The following DCC variants were observed in gnomAD, a reference collection of about 807,000 sequenced individuals.
DCC encodes DCC netrin 1 receptor, also known as netrin receptor DCC.
In DCC, 58 loss-of-function variants were observed where a neutral mutation model predicts 172.5. The observed-to-expected ratio is 0.34, with a 90% CI of 0.27 to 0.42. The LOEUF is 0.42. DCC is among the 10% of genes least tolerant of loss of function. DCC has a pLI of 1.00. For synonymous variants in DCC, 709 were observed against 644.5 expected (o/e 1.10, Z -1.52); for missense variants, 1,740 against 1,791.0 (o/e 0.97, Z 0.51).
At chr18:53,089,674 T>G (rs1302100278) in intron 7 of DCC, among the ~76,000 whole-genome samples, 1 of 152,152 alleles carries the variant, frequency 6.6e-6, no homozygotes, top group Non-Finnish European at 1.5e-5. Context: ...GTGCCTACTG[T>G]GCTGATTGGA....
rs191874581 is a variant in DCC at position 52,619,941 on chromosome 18, C to T, written c.92-132113C>T. Among the ~76,000 whole-genome samples the T allele has an allele frequency of 1.6e-4, 24 of 152,206 alleles. No homozygotes were observed. The East Asian group carries it at 1.7e-3, about 11-fold the overall frequency. On this transcript the variant is annotated intron_variant, in intron 1 of 28. Coordinates refer to ENST00000442544, the MANE Select transcript of DCC (RefSeq NM_005215.4). ...TAGGACTTGATTATTAAAATTACTA[C>T]GTACTGTGCTGGAAGGAAAGATTCT...
intron 12 of DCC, among the ~76,000 whole-genome samples, chr18:53,261,705 G>T (rs999718213): frequency 1.3e-5 from 2 of 152,110 alleles, no homozygotes; most frequent in Non-Finnish European, 2.9e-5. Flanking sequence ...TAGAGATGGG[G>T]TTTCACCATG....
intron 24 of DCC, among the ~76,000 whole-genome samples, chr18:53,466,828 G>C (rs1207652228): frequency 6.6e-6 from 1 of 152,272 alleles, no homozygotes; most frequent in East Asian, 1.9e-4. Flanking sequence ...GCCTGGCCAG[G>C]TTTGCGTAGT....
chr18:52,577,518 G>C (rs1385417925), intron 1 of DCC, among the ~76,000 whole-genome samples: 1 of 146,980 alleles, frequency 6.8e-6, no homozygotes, highest in African/African-American at 2.5e-5. Flanking sequence ...TTAAGTTGAT[G>C]GTTCCATAGT....
At chr18:52,663,439 G>A (rs1393887344) in intron 1 of DCC, among the ~76,000 whole-genome samples, 1 of 152,138 alleles carries the variant, frequency 6.6e-6, no homozygotes, top group East Asian at 1.9e-4. Context: ...GCTCCAGGAG[G>A]AGTGTTGTAC....
intron 2 of DCC, among the ~76,000 whole-genome samples, chr18:52,827,371 G>A (rs1465613096): frequency 6.6e-6 from 1 of 152,170 alleles, no homozygotes; most frequent in East Asian, 1.9e-4. Flanking sequence ...AAATGGCTGA[G>A]GTGATTTTGA....
chr18:52,473,326 T>G (rs1988999496), intron 1 of DCC, among the ~76,000 whole-genome samples: 1 of 152,204 alleles, frequency 6.6e-6, no homozygotes, highest in Non-Finnish European at 1.5e-5. Flanking sequence ...ATGCTAGGAT[T>G]CTAAACAATT....
At chr18:52,484,018 T>C (rs1489351197) in intron 1 of DCC, among the ~76,000 whole-genome samples, 3 of 152,130 alleles carry the variant, frequency 2.0e-5, no homozygotes, top group Admixed American at 6.6e-5. Flanking sequence ...TCCATTTTTG[T>C]AGCATTATGC....
At position 52,505,377 on chromosome 18, in the gene DCC, A is replaced by G. The variant is rs187735098; in HGVS notation, c.91+164499A>G. 1.2e-4 allele frequency among the ~76,000 whole-genome samples: 18 copies of G among 152,336 alleles called. No individual in the cohort carries two copies. The East Asian group carries it at 2.5e-3, about 21-fold the overall frequency. ...ACTAAGACAGAGAGAAGGTAATGGA[A>G]TTGCCCAGTTTACATGGCTACAGAA... On this transcript the variant is annotated intron_variant, in intron 1 of 28. Transcript: ENST00000442544.
At chr18:52,715,276 A>C (rs1054907888) in intron 1 of DCC, among the ~76,000 whole-genome samples, 2 of 136,614 alleles carry the variant, frequency 1.5e-5, no homozygotes, top group African/African-American at 5.5e-5. Context: ...ATAAAAAAAA[A>C]CACTACATTT....
intron 7 of DCC, among the ~76,000 whole-genome samples, chr18:53,125,330 G>A (rs2043540023): frequency 6.6e-6 from 1 of 151,988 alleles, no homozygotes; most frequent in Non-Finnish European, 1.5e-5. Flanking sequence ...AGATAACTCA[G>A]TTGATGGTGA....
intron 1 of DCC, among the ~76,000 whole-genome samples, chr18:52,526,985 C>A: frequency 6.6e-6 from 1 of 152,154 alleles, no homozygotes; most frequent in African/African-American, 2.4e-5. Flanking sequence ...AAGTCACACG[C>A]CAATGCTTTC....
chr18:53,318,752 G>GGTTTTTTTTTTT (rs1555651814), intron 13 of DCC, among the ~76,000 whole-genome samples: 9 of 132,158 alleles, frequency 6.8e-5, no homozygotes, highest in Non-Finnish European at 3.1e-5. Flanking sequence ...TCTTCGTTGG[G>GGTTTTTTTTTTT]TTTTTTTTTT....
At chr18:53,204,938 CT>C (rs2055601596) in intron 9 of DCC, among the ~76,000 whole-genome samples, 1 of 152,128 alleles carries the variant, frequency 6.6e-6, no homozygotes. Context: ...CCACTCTTTG[CT>C]GCCATTATCT....
intron 2 of DCC, among the ~76,000 whole-genome samples, chr18:52,882,412 A>G (rs116386082): frequency 0.015 from 2,298 of 151,034 alleles, 43 homozygotes; most frequent in African/African-American, 0.039. Context: ...TTTTTGATGT[A>G]GACACTTATA....
At chr18:52,887,367 T>C (rs1013772965) in intron 2 of DCC, among the ~76,000 whole-genome samples, 1 of 152,154 alleles carries the variant, frequency 6.6e-6, no homozygotes, top group East Asian at 1.9e-4. Flanking sequence ...AAACATATTA[T>C]TTTCTATCCT....
intron 1 of DCC, among the ~76,000 whole-genome samples, chr18:52,353,590 A>G (rs1984226542): frequency 6.6e-6 from 1 of 152,234 alleles, no homozygotes; most frequent in African/African-American, 2.4e-5. Flanking sequence ...CCTCTGTGGC[A>G]GGGCAGAAGG....
intron 27 of DCC, among the ~76,000 whole-genome samples, chr18:53,501,929 A>AATCTGATACAATGCAGTAT (rs1299392267): frequency 1.3e-5 from 2 of 152,202 alleles, no homozygotes; most frequent in Non-Finnish European, 2.9e-5. Flanking sequence ...CCTAAAACAA[A>AATCTGATACAATGCAGTAT]ATCTGATACA....
intron 2 of DCC, among the ~76,000 whole-genome samples, chr18:52,873,408 T>C (rs1294318776): frequency 6.6e-6 from 1 of 152,210 alleles, no homozygotes; most frequent in African/African-American, 2.4e-5. Flanking sequence ...AGTAGATATA[T>C]ACACGAGCTT....
Sources: allele counts gnomAD v4.1 joint callset (sites outside exome capture counted in the v4.1 genomes callset), GRCh38; gene constraint gnomAD v4.1.1; transcripts MANE v1.5; gene names NCBI Gene and HGNC (gene_info 2026-07-23, HGNC 2026-07-21).